The following PLCB1 variants were observed in gnomAD, a reference collection of about 807,000 sequenced individuals.
PLCB1 encodes the protein 1-phosphatidylinositol 4,5-bisphosphate phosphodiesterase beta-1.
Under a neutral mutation model 161.8 loss-of-function variants are expected in PLCB1, and 46 were observed. The observed-to-expected ratio is 0.28, with a 90% CI of 0.22 to 0.36. The LOEUF (loss-of-function observed/expected upper bound fraction) is 0.36, where lower values mean the gene tolerates loss of function less well. Ranked by LOEUF, PLCB1 falls within the 10% of genes least tolerant of loss-of-function variation. PLCB1 has a pLI of 1.00. For synonymous variants in PLCB1, 517 were observed against 503.7 expected (o/e 1.03, Z -0.35); for missense variants, 1,016 against 1,472.5 (o/e 0.69, Z 5.07).
intron 4 of PLCB1, among the ~76,000 whole-genome samples, chr20:8,643,866 C>T (rs1408649338): frequency 4.6e-5 from 7 of 150,632 alleles, no homozygotes; most frequent in Non-Finnish European, 8.9e-5. Context: ...ACTGTACTGC[C>T]GCCATCTCGG....
chr20:8,316,487 G>T (rs933961311), intron 2 of PLCB1, among the ~76,000 whole-genome samples: 2 of 152,030 alleles, frequency 1.3e-5, no homozygotes, highest in Non-Finnish European at 2.9e-5. Flanking sequence ...AGCCCCTCAC[G>T]CCAATTCAGG....
chr20:8,746,455 A>C (rs1271027337), intron 23 of PLCB1, among the ~76,000 whole-genome samples: 1 of 152,216 alleles, frequency 6.6e-6, no homozygotes, highest in Non-Finnish European at 1.5e-5. Context: ...TAAAGAAAAA[A>C]ATAATGAGCA....
intron 3 of PLCB1, among the ~76,000 whole-genome samples, chr20:8,553,817 G>C (rs192414863): frequency 3.3e-5 from 5 of 151,852 alleles, no homozygotes; most frequent in African/African-American, 1.2e-4. Flanking sequence ...CCTAGCCAAC[G>C]TGGTGAAACC....
intron 3 of PLCB1, among the ~76,000 whole-genome samples, chr20:8,578,962 A>G (rs1012217804): frequency 1.3e-5 from 2 of 152,236 alleles, no homozygotes; most frequent in Non-Finnish European, 2.9e-5. Context: ...ATAAATGTAC[A>G]TCTGGATTCT....
intron 1 of PLCB1, among the ~76,000 whole-genome samples, chr20:8,147,029 T>C (rs2051460264): frequency 6.6e-6 from 1 of 152,216 alleles, no homozygotes; most frequent in Admixed American, 6.5e-5. Flanking sequence ...ATGGTTTGCC[T>C]GCATTCTAAG....
At chr20:8,450,834 C>T (rs1234634649) in intron 3 of PLCB1, among the ~76,000 whole-genome samples, 1 of 152,094 alleles carries the variant, frequency 6.6e-6, no homozygotes, top group Non-Finnish European at 1.5e-5. Context: ...GGACAGTTAA[C>T]AAAATTTTTG....
At chr20:8,266,002 C>T (rs1298887783) in intron 2 of PLCB1, among the ~76,000 whole-genome samples, 1 of 152,238 alleles carries the variant, frequency 6.6e-6, no homozygotes, top group East Asian at 1.9e-4. Context: ...CTTCTTGAAT[C>T]CCTTACTTTA....
At chr20:8,342,259 G>A (rs1651990836) in intron 2 of PLCB1, among the ~76,000 whole-genome samples, 1 of 152,176 alleles carries the variant, frequency 6.6e-6, no homozygotes, top group Non-Finnish European at 1.5e-5. Context: ...TCTTGTGTAA[G>A]TCTTAGAGTA....
chr20:8,741,236 C>A (rs1980863382), intron 22 of PLCB1, among the ~76,000 whole-genome samples: 1 of 152,136 alleles, frequency 6.6e-6, no homozygotes, highest in African/African-American at 2.4e-5. Flanking sequence ...AGAGTCCTAA[C>A]CCTTGTCCAT....
chr20:8,181,779 A>G (rs2051846465), intron 2 of PLCB1, among the ~76,000 whole-genome samples: 1 of 144,906 alleles, frequency 6.9e-6, no homozygotes, highest in African/African-American at 2.8e-5. Context: ...GTGCAAGACC[A>G]TCCTGAGCCA....
At chr20:8,449,720 T>C (rs931212462) in intron 3 of PLCB1, among the ~76,000 whole-genome samples, 4 of 152,210 alleles carry the variant, frequency 2.6e-5, no homozygotes, top group Non-Finnish European at 4.4e-5. Context: ...TTCTAATACA[T>C]CTTCCTTCCC....
At chr20:8,273,243 A>G (rs913596541) in intron 2 of PLCB1, among the ~76,000 whole-genome samples, 4 of 152,184 alleles carry the variant, frequency 2.6e-5, no homozygotes, top group African/African-American at 9.6e-5. Context: ...CTTTCAGCCT[A>G]CCAAATCTTG....
chr20:8,755,996 CAG>C (rs763216780), intron 23 of PLCB1, among the ~76,000 whole-genome samples: 6 of 152,260 alleles, frequency 3.9e-5, no homozygotes, highest in African/African-American at 1.2e-4. Context: ...ATGGCTTTTG[CAG>C]AGTCTTTTGT....
intron 3 of PLCB1, among the ~76,000 whole-genome samples, chr20:8,603,779 C>T (rs1987671014): frequency 6.6e-6 from 1 of 152,228 alleles, no homozygotes; most frequent in Admixed American, 6.5e-5. Flanking sequence ...TACCACTTAA[C>T]ATTAACAGCT....
At chr20:8,506,170 G>A (rs1468093191) in intron 3 of PLCB1, among the ~76,000 whole-genome samples, 1 of 152,014 alleles carries the variant, frequency 6.6e-6, no homozygotes, top group East Asian at 1.9e-4. Flanking sequence ...TCTTTGGTTT[G>A]CAAGAATTTT....
intron 3 of PLCB1, among the ~76,000 whole-genome samples, chr20:8,594,611 G>C (rs1351453245): frequency 2.0e-5 from 3 of 151,558 alleles, no homozygotes; most frequent in African/African-American, 7.3e-5. Context: ...TGAGAGCACT[G>C]TTGATTCTCC....
chr20:8,466,374 G>C (rs1981822947), intron 3 of PLCB1, among the ~76,000 whole-genome samples: 1 of 150,682 alleles, frequency 6.6e-6, no homozygotes, highest in South Asian at 2.1e-4. Context: ...CCTAATGCTA[G>C]ATGACGAGTT....
intron 23 of PLCB1, among the ~76,000 whole-genome samples, chr20:8,755,723 C>A (rs962640072): frequency 2.6e-5 from 4 of 152,040 alleles, no homozygotes; most frequent in Non-Finnish European, 5.9e-5. Context: ...ACATAAATAA[C>A]AAACAGATGC....
chr20:8,342,849 G>C (rs1985861150), intron 2 of PLCB1, among the ~76,000 whole-genome samples: 1 of 152,152 alleles, frequency 6.6e-6, no homozygotes, highest in Non-Finnish European at 1.5e-5. Flanking sequence ...TTCTGGAAGA[G>C]GATGAGTAGA....
Sources: allele counts gnomAD v4.1 joint callset (sites outside exome capture counted in the v4.1 genomes callset), GRCh38; gene constraint gnomAD v4.1.1; transcripts MANE v1.5; gene names NCBI Gene and HGNC (gene_info 2026-07-23, HGNC 2026-07-21).